Variants in EPHA3 observed in about 807,000 individuals in gnomAD.
EPHA3 encodes EPH receptor A3.
Under a neutral mutation model 107.1 loss-of-function variants are expected in EPHA3, and 42 were observed. That is an observed-to-expected ratio of 0.39 (90% confidence interval 0.31 to 0.51). EPHA3 has a LOEUF of 0.51. EPHA3 is among the 20% of genes least tolerant of loss of function. EPHA3 has a pLI of 0.78. For synonymous variants in EPHA3, 461 were observed against 424.8 expected (o/e 1.09, Z -1.05); for missense variants, 1,183 against 1,211.2 (o/e 0.98, Z 0.35).
At chr3:89,183,581 A>G (rs1017627840) in intron 2 of EPHA3, among the ~76,000 whole-genome samples, 83 of 151,516 alleles carry the variant, frequency 5.5e-4, no homozygotes, top group African/African-American at 1.8e-3. Flanking sequence ...AGTACTCCCT[A>G]CACACACACA....
intron 5 of EPHA3, among the ~76,000 whole-genome samples, chr3:89,356,283 G>T (rs887109448): frequency 6.6e-6 from 1 of 150,714 alleles, no homozygotes; most frequent in African/African-American, 2.4e-5. Context: ...GAATAGTGCT[G>T]CAATAAACAT....
intron 5 of EPHA3, among the ~76,000 whole-genome samples, chr3:89,390,642 T>C (rs116806896): frequency 0.016 from 2,420 of 151,674 alleles, 69 homozygotes; most frequent in African/African-American, 0.055. Context: ...ATCTCTCCGT[T>C]ATATATGTCA....
intron 2 of EPHA3, among the ~76,000 whole-genome samples, chr3:89,160,548 TTGTGTG>T (rs1164056787): frequency 1.5e-3 from 177 of 120,532 alleles, no homozygotes; most frequent in East Asian, 6.8e-3. Flanking sequence ...ATATTAGATT[TTGTGTG>T]TGTGTGTGTG....
intron 1 of EPHA3, among the ~76,000 whole-genome samples, chr3:89,122,875 T>C (rs1314720002): frequency 6.6e-6 from 1 of 152,198 alleles, no homozygotes; most frequent in African/African-American, 2.4e-5. Flanking sequence ...TGTAAATTAT[T>C]TGAATAGGCA....
intron 3 of EPHA3, among the ~76,000 whole-genome samples, chr3:89,258,357 A>C (rs77903409): frequency 1.3e-5 from 2 of 152,312 alleles, no homozygotes; most frequent in African/African-American, 2.4e-5. Flanking sequence ...TAAGACAATG[A>C]GAGAAATTTG....
intron 5 of EPHA3, among the ~76,000 whole-genome samples, chr3:89,344,821 A>C (rs1214997485): frequency 6.6e-6 from 1 of 152,200 alleles, no homozygotes; most frequent in East Asian, 1.9e-4. Context: ...TGTGATGATC[A>C]AATGATAAGG....
intron 3 of EPHA3, among the ~76,000 whole-genome samples, chr3:89,339,948 AT>A (rs1707480320): frequency 6.6e-6 from 1 of 152,198 alleles, no homozygotes; most frequent in Non-Finnish European, 1.5e-5. Context: ...TCCTTCTCAA[AT>A]GAATTACTAG....
At chr3:89,209,766 G>T (rs1300813549) in intron 2 of EPHA3, 94 bp from the exon 3 acceptor site, 2 of 1,053,640 alleles carry the variant, frequency 1.9e-6, no homozygotes, top group East Asian at 2.7e-5. Context: ...AGTAAATGAT[G>T]ATTTATTATA....
At chr3:89,194,496 G>A (rs1705789880) in intron 2 of EPHA3, among the ~76,000 whole-genome samples, 2 of 151,954 alleles carry the variant, frequency 1.3e-5, no homozygotes. Context: ...GTCTCTCTCT[G>A]TAGATATCGA....
intron 13 of EPHA3, among the ~76,000 whole-genome samples, chr3:89,435,442 A>T (rs959809949): frequency 3.9e-4 from 57 of 145,644 alleles, no homozygotes; most frequent in African/African-American, 9.7e-4. Flanking sequence ...TCTGTTAAAA[A>T]ATATATATAT....
At position 89,208,378 on chromosome 3, in the gene EPHA3, A is replaced by G. The variant is rs868289003; in HGVS notation, c.154-1482A>G. ...GGAGCAAGACTCTGTGAAAAAAAAA[A>G]AAAAAGAAAAGAAAGAAAGAAAAGG... is the stretch of plus-strand genomic sequence containing the variant. On this transcript the variant is annotated intron_variant, in intron 2 of 16. Coordinates refer to ENST00000336596, the MANE Select transcript of EPHA3 (RefSeq NM_005233.6). 3.3e-4 allele frequency among the ~76,000 whole-genome samples: 45 copies of G among 135,614 alleles called. 3 individuals are homozygous for G. Among genetic ancestry groups the G allele is most frequent in the South Asian group, 7.1e-4 (3 of 4,222 alleles). 89.0% of individuals were successfully genotyped at this position (135,614 alleles called of 152,430 possible). A position where few individuals can be genotyped will look rare whatever the true frequency, so the allele number is the denominator to read the frequency against.
chr3:89,267,223 A>G (rs1270050539), intron 3 of EPHA3, among the ~76,000 whole-genome samples: 1 of 152,124 alleles, frequency 6.6e-6, no homozygotes. Context: ...GTTCCATTAT[A>G]AAAGTTATAG....
chr3:89,214,137 T>C (rs1423266194), intron 3 of EPHA3, among the ~76,000 whole-genome samples: 1 of 151,998 alleles, frequency 6.6e-6, no homozygotes, highest in African/African-American at 2.4e-5. Context: ...AATTACAGTT[T>C]GCATTTAATT....
At chr3:89,304,743 A>G (rs1706572013) in intron 3 of EPHA3, among the ~76,000 whole-genome samples, 1 of 152,060 alleles carries the variant, frequency 6.6e-6, no homozygotes, top group African/African-American at 2.4e-5. Context: ...TATTATGTTC[A>G]TGATAGTTTG....
At chr3:89,318,067 T>G (rs1339682924) in intron 3 of EPHA3, among the ~76,000 whole-genome samples, 3 of 151,862 alleles carry the variant, frequency 2.0e-5, no homozygotes. Context: ...AGCAGCATAT[T>G]ACATGCGTTC....
chr3:89,159,207 A>G (rs1429930846), intron 2 of EPHA3, among the ~76,000 whole-genome samples: 5 of 152,156 alleles, frequency 3.3e-5, no homozygotes, highest in African/African-American at 1.2e-4. Context: ...CATCATTTCT[A>G]TAGCCCTGAT....
intron 5 of EPHA3, among the ~76,000 whole-genome samples, chr3:89,387,680 TA>T (rs1275887169): frequency 6.7e-6 from 1 of 148,920 alleles, no homozygotes; most frequent in Non-Finnish European, 1.5e-5. Flanking sequence ...TGGGAGATAT[TA>T]AAAAGAAGAA....
chr3:89,319,661 A>T (rs945665397), intron 3 of EPHA3, among the ~76,000 whole-genome samples: 7 of 151,952 alleles, frequency 4.6e-5, no homozygotes, highest in African/African-American at 1.7e-4. Flanking sequence ...CTTATGGCTC[A>T]ATTTATTCTG....
At position 89,480,050 on chromosome 3, in the gene EPHA3, T is replaced by C. The variant is rs1166670844; in HGVS notation, c.*548T>C. On this transcript the variant is annotated 3_prime_UTR_variant, in exon 17 of 17. Coordinates refer to ENST00000336596, the MANE Select transcript of EPHA3 (RefSeq NM_005233.6). Reference sequence around the variant, plus strand: ...AAGCATATAGAGATGAAGTTTGTAGTTGTTTTAAGTACTACACATTTTTAA... The same window carrying C: ...AAGCATATAGAGATGAAGTTTGTAGCTGTTTTAAGTACTACACATTTTTAA... 6 of 232,856 alleles carry C rather than the reference T, an allele frequency of 2.6e-5. No individual in the cohort carries two copies. The Admixed American group carries it at 2.8e-4, about 11-fold the overall frequency. The allele number at this position is 232,856 out of a possible 1,614,324, so 14.4% of individuals were successfully genotyped here. A position where few individuals can be genotyped will look rare whatever the true frequency, so the allele number is the denominator to read the frequency against.
Sources: gnomAD v4.1 joint callset for allele counts (sites outside exome capture counted in the v4.1 genomes callset) on GRCh38, gnomAD v4.1.1 for gene constraint, MANE v1.5 for transcripts, NCBI Gene and HGNC (gene_info 2026-07-23, HGNC 2026-07-21) for gene names.